Variants in NSD1 observed in about 807,000 individuals in gnomAD.
NSD1 encodes the protein nuclear receptor binding SET domain protein 1.
A neutral mutation model predicts 242.7 loss-of-function variants in NSD1; 26 were observed. The ratio of observed to expected loss-of-function variants is 0.11; its 90% confidence interval spans 0.08 to 0.15. The LOEUF is 0.15. Ranked by LOEUF, NSD1 falls within the 10% of genes least tolerant of loss-of-function variation. The pLI is 1.00. For synonymous variants in NSD1, 1,106 were observed against 1,178.1 expected (o/e 0.94, Z 1.25); for missense variants, 2,495 against 3,272.8 (o/e 0.76, Z 5.80).
chr5:177,186,100 A>T (rs141084918), intron 2 of NSD1, among the ~76,000 whole-genome samples: 10,238 of 118,458 alleles, frequency 0.086, 1,522 homozygotes, highest in African/African-American at 0.31. Context: ...TATAACATAT[A>T]TTATATTATA....
intron 2 of NSD1, among the ~76,000 whole-genome samples, chr5:177,177,394 C>T (rs1760294252): frequency 6.6e-6 from 1 of 152,008 alleles, no homozygotes. Flanking sequence ...GCATGTCTCC[C>T]AGCTGCTCGG....
chr5:177,198,830 T>TC (rs1762295866), intron 3 of NSD1, among the ~76,000 whole-genome samples: 1 of 152,192 alleles, frequency 6.6e-6, no homozygotes, highest in Non-Finnish European at 1.5e-5. Context: ...TACTTGAAGT[T>TC]TTCACCAAGA....
chr5:177,165,056 C>T (rs1759076277), intron 2 of NSD1, among the ~76,000 whole-genome samples: 1 of 151,998 alleles, frequency 6.6e-6, no homozygotes, highest in Non-Finnish European at 1.5e-5. Flanking sequence ...CACTTGAACT[C>T]AGAAGTTTGA....
chr5:177,294,131 C>G lies in NSD1; in HGVS notation c.6763C>G (p.Pro2255Ala). 1 of 1,614,160 alleles carries G rather than the reference C, an allele frequency of 6.2e-7. No individual in the cohort carries two copies. Among genetic ancestry groups the G allele is most frequent in the South Asian group, 1.1e-5 (1 of 91,082 alleles). The change falls in exon 23 of 23, where the codon CCT becomes GCT. Residue 2255 changes from proline to alanine, a missense_variant. Transcript: ENST00000439151. The stretch of plus-strand genomic sequence containing the variant: ...GGCACCCAAAATGTCAGATAAACCT[C>G]CTGCTGACACCAACCAGATGCTGTC... ...AQAPKMSDKP[P>A]ADTNQMLSLS...
intron 5 of NSD1, among the ~76,000 whole-genome samples, chr5:177,217,228 A>G (rs1350672862): frequency 1.3e-5 from 2 of 152,086 alleles, no homozygotes; most frequent in Non-Finnish European, 2.9e-5. Flanking sequence ...TCCTTGGTTA[A>G]GTTTATTCTT....
rs533444631 is a variant in NSD1 at position 177,134,599 on chromosome 5, C to T, written c.-17-488C>T. Among the ~76,000 whole-genome samples, 1 of 152,294 alleles carries T rather than the reference C, an allele frequency of 6.6e-6. No individual in the cohort carries two copies. Among genetic ancestry groups the T allele is most frequent in the South Asian group, 2.1e-4 (1 of 4,826 alleles). ...CTGCGCACCGCCGCTGCAAAGGCTC[C>T]GGCGCTGGCTGGGCGCAGGGTGCAG... On this transcript the variant is annotated intron_variant, in intron 1 of 22. Coordinates refer to ENST00000439151, the MANE Select transcript of NSD1 (RefSeq NM_022455.5). The surrounding 1 kb of genome is among the most constrained non-coding windows in gnomAD (Gnocchi z 4.2).
chr5:177,212,590 G>A (rs371720967), intron 5 of NSD1, among the ~76,000 whole-genome samples: 5 of 146,884 alleles, frequency 3.4e-5, no homozygotes, highest in East Asian at 4.1e-4. Context: ...GCCAGCCTTT[G>A]CCTCCTAAAG....
chr5:177,169,351 T>C, intron 2 of NSD1: 1 of 155,588 alleles, frequency 6.4e-6, no homozygotes, highest in South Asian at 2.0e-4. Flanking sequence ...CTTATTGAGC[T>C]TTTTCACTTT....
chr5:177,277,220 C>A (rs1452966438), intron 17 of NSD1, among the ~76,000 whole-genome samples: 1 of 151,666 alleles, frequency 6.6e-6, no homozygotes. Context: ...TGGTCTACTG[C>A]CTATTCTTGT....
rs1756218400 is a variant in NSD1 at position 177,135,282 on chromosome 5, C to T, written c.179C>T (p.Ala60Val). ...ACTGTCAGTGGAACATCCCAAAATG[C>T]TTATGGACAAGATTCTCCATCTTGT... is the stretch of plus-strand genomic sequence containing the variant. ...LSTVSGTSQN[A>V]YGQDSPSCYI... The change falls in exon 2 of 23, where the codon GCT (alanine) becomes GTT (valine). Residue 60 changes from alanine (A) to valine (V), a missense_variant. Ala to Val is a moderately conservative substitution (Grantham distance 64). This residue lies in a region of NSD1 where 376 missense variants were observed against 367.4 expected (regional missense o/e 1.02). Transcript: ENST00000439151. 1.2e-6 allele frequency: 2 copies of T among 1,613,688 alleles called. No homozygotes were observed. The highest frequency in any genetic ancestry group is 1.7e-5 in the Admixed American group (1 of 60,006).
At chr5:177,185,877 AAT>A (rs1178347006) in intron 2 of NSD1, among the ~76,000 whole-genome samples, 7 of 87,800 alleles carry the variant, frequency 8.0e-5, no homozygotes, top group East Asian at 2.9e-4. Flanking sequence ...TTATATAATT[AAT>A]ATATATAATA....
intron 13 of NSD1, among the ~76,000 whole-genome samples, chr5:177,257,565 A>C (rs1756594114): frequency 2.0e-5 from 3 of 151,764 alleles, no homozygotes; most frequent in South Asian, 4.1e-4. Context: ...TCAATCCACC[A>C]TGTCACTTTA....
chr5:177,205,587 G>A (rs1229996041), intron 4 of NSD1, among the ~76,000 whole-genome samples: 1 of 151,510 alleles, frequency 6.6e-6, no homozygotes, highest in African/African-American at 2.4e-5. Flanking sequence ...TACAGTTAAT[G>A]GTTTTAAATA....
Position 177,150,118 on chromosome 5 carries a change from A to AT in NSD1, c.927+14094dup, listed in dbSNP as rs1331704062. On this transcript the variant is annotated intron_variant, in intron 2 of 22. Coordinates refer to ENST00000439151, the MANE Select transcript of NSD1 (RefSeq NM_022455.5). Reference sequence around the variant, plus strand: ...TGCCTGGCTAATTTTTTATATTTGTATTTTTTAATTTTTATTTATTTATTT... The same window carrying AT: ...TGCCTGGCTAATTTTTTATATTTGTATTTTTTTAATTTTTATTTATTTATTT... Among the ~76,000 whole-genome samples the AT allele has an allele frequency of 2.7e-5, 4 of 150,662 alleles. No homozygotes were observed. The South Asian group carries it at 6.3e-4, about 24-fold the overall frequency.
At position 177,254,705 on chromosome 5, in the gene NSD1, A is replaced by G. The variant is rs147456688; in HGVS notation, c.4766-2246A>G. 9.9e-5 allele frequency among the ~76,000 whole-genome samples: 15 copies of G among 152,186 alleles called. No homozygotes were observed. In the East Asian group the frequency reaches 2.5e-3, roughly 25 times the overall value. On this transcript the variant is annotated intron_variant, in intron 12 of 22. Coordinates refer to ENST00000439151, the MANE Select transcript of NSD1 (RefSeq NM_022455.5). ...TTACAGGTGTGAGTCACCACGTCCA[A>G]CCAGTGTCACAAAGATTTTTAGTTC...
chr5:177,211,710 A>G lies in NSD1; in HGVS notation c.3311A>G (p.His1104Arg), dbSNP rs758125212. Residue 1104 changes from histidine to arginine, a missense_variant, in exon 5 of 23, where the codon CAT (histidine) becomes CGT (arginine). His to Arg is a conservative substitution (Grantham distance 29). This residue lies in a region of NSD1 where 426 missense variants were observed against 411.4 expected (regional missense o/e 1.04). Transcript: ENST00000439151. ...MGHLTSEDGD[H>R]FSDVHFDSKV... ...CACTTAACAAGTGAAGATGGTGACC[A>G]TTTTTCTGATGTGCATTTCGATAGC... 9.9e-6 allele frequency: 16 copies of G among 1,613,852 alleles called. 1 individual carries two copies. In the East Asian group the frequency reaches 1.1e-4, roughly 11 times the overall value.
chr5:177,251,701 A>C, intron 11 of NSD1, 29 bp from the exon 12 acceptor site: 1 of 1,613,106 alleles, frequency 6.2e-7, no homozygotes. Flanking sequence ...ACATGGAAAA[A>C]CAGATAGATG....
chr5:177,191,597 T>G (rs1416175485), intron 2 of NSD1, among the ~76,000 whole-genome samples: 2 of 152,142 alleles, frequency 1.3e-5, no homozygotes, highest in Non-Finnish European at 2.9e-5. Flanking sequence ...CTTTATTGTG[T>G]GTGTTTTTAG....
chr5:177,158,758 G>A (rs1758413990), intron 2 of NSD1, among the ~76,000 whole-genome samples: 2 of 139,572 alleles, frequency 1.4e-5, no homozygotes, highest in Admixed American at 7.4e-5. Context: ...GGAAGCTGAG[G>A]CTGCAGTGAG....
Sources: allele counts gnomAD v4.1 joint callset (sites outside exome capture counted in the v4.1 genomes callset), GRCh38; gene constraint gnomAD v4.1.1; regional missense constraint gnomAD v4.1.1; non-coding constraint Gnocchi (gnomAD v3.1); transcripts MANE v1.5; gene names NCBI Gene and HGNC (gene_info 2026-07-23, HGNC 2026-07-21).